PSPH: variants seen among roughly 807,000 people sequenced by gnomAD.
The protein encoded by PSPH is L-3-phosphoserine phosphatase.
PSPH carries 16 observed loss-of-function variants against 23.4 expected under a neutral mutation model. That is an observed-to-expected ratio of 0.68 (90% CI 0.46 to 1.04). The LOEUF is 1.04. Ranked by LOEUF, PSPH falls within the 50% of genes least tolerant of loss-of-function variation. The pLI is 0.00. For synonymous variants in PSPH, 68 were observed against 99.7 expected (o/e 0.68, Z 1.89); for missense variants, 223 against 273.7 (o/e 0.81, Z 1.31).
At chr7:56,028,178 G>A (rs1790480137) in intron 3 of PSPH, among the ~76,000 whole-genome samples, 1 of 152,050 alleles carries the variant, frequency 6.6e-6, no homozygotes, top group African/African-American at 2.4e-5. Context: ...CAGAATTGTT[G>A]ACACCTGCCT....
chr7:56,039,556 T>G (rs540822830), intron 1 of PSPH, among the ~76,000 whole-genome samples: 2 of 151,970 alleles, frequency 1.3e-5, no homozygotes, highest in Non-Finnish European at 2.9e-5. Context: ...GGCAGGCAGA[T>G]CACGATGTCA....
intron 4 of PSPH, among the ~76,000 whole-genome samples, chr7:56,020,779 G>T (rs1321745726): frequency 1.3e-5 from 2 of 152,090 alleles, no homozygotes; most frequent in Non-Finnish European, 2.9e-5. Context: ...AACCACTAAG[G>T]TCACACTTTC....
intron 3 of PSPH, among the ~76,000 whole-genome samples, chr7:56,029,492 TAAA>T (rs59890123): frequency 5.2e-5 from 4 of 76,820 alleles, no homozygotes; most frequent in African/African-American, 5.4e-5. Context: ...ACCAACTGAT[TAAA>T]AAAAAAAAAA....
rs34727399 is a variant in PSPH at position 56,011,528 on chromosome 7, C to CAAA, written c.*231_*233dup. On this transcript the variant is annotated 3_prime_UTR_variant, in exon 8 of 8. Transcript: ENST00000275605. The stretch of plus-strand genomic sequence containing the variant: ...TGGGCAACAGAGCAAGATTCTGTCT[C>CAAA]AAAAAAAAAAAAAACCTCTCCAGGA... The CAAA allele has an allele frequency of 3.5e-4, 78 of 225,760 alleles. No homozygotes were observed. Among genetic ancestry groups the CAAA allele is most frequent in the South Asian group, 1.1e-3 (22 of 20,252 alleles). 14.0% of individuals were successfully genotyped at this position (225,760 alleles called of 1,614,324 possible).
At chr7:56,012,599 T>C (rs1478758024) in intron 7 of PSPH, among the ~76,000 whole-genome samples, 4 of 151,584 alleles carry the variant, frequency 2.6e-5, no homozygotes, top group African/African-American at 7.3e-5. Flanking sequence ...AACCCCAACA[T>C]TGGTTATAAA....
At chr7:56,018,561 G>C (rs1788901588) in intron 5 of PSPH, among the ~76,000 whole-genome samples, 1 of 152,094 alleles carries the variant, frequency 6.6e-6, no homozygotes, top group African/African-American at 2.4e-5. Flanking sequence ...CACCACACAG[G>C]CCACGCCTTT....
At chr7:56,014,476 G>A (rs527592414) in intron 7 of PSPH, among the ~76,000 whole-genome samples, 44 of 152,082 alleles carry the variant, frequency 2.9e-4, no homozygotes, top group Non-Finnish European at 5.3e-4. Flanking sequence ...GTTAACTCCT[G>A]TTTTAAATCT....
At chr7:56,025,281 A>AT (rs1381699940) in intron 3 of PSPH, among the ~76,000 whole-genome samples, 9 of 148,296 alleles carry the variant, frequency 6.1e-5, no homozygotes, top group South Asian at 4.3e-4. Context: ...ACACACACAC[A>AT]TTTTTTTTTA....
rs543148572 is a variant in PSPH at position 56,030,419 on chromosome 7, C to T, written c.-20+1510G>A. On this transcript the variant is annotated intron_variant, in intron 3 of 7. Coordinates refer to ENST00000275605, the MANE Select transcript of PSPH (RefSeq NM_004577.4). ...CTCCCAAGGTGTGAGCCACCATGCCCGGCCTAAAAAAAAAAGCCAGCACAG... is the reference window on the plus strand; with the variant it reads ...CTCCCAAGGTGTGAGCCACCATGCCTGGCCTAAAAAAAAAAGCCAGCACAG... Among the ~76,000 whole-genome samples the T allele has an allele frequency of 3.3e-5, 5 of 151,472 alleles. No individual in the cohort carries two copies. In the South Asian group the frequency reaches 6.3e-4, roughly 19 times the overall value.
At position 56,015,047 on chromosome 7, in the gene PSPH, T is replaced by A. The variant is rs755879522; in HGVS notation, c.546A>T (p.Thr182=). 3.1e-6 allele frequency: 5 copies of A among 1,614,146 alleles called. No individual in the cohort carries two copies. The highest frequency in any genetic ancestry group is 4.2e-6 in the Non-Finnish European group (5 of 1,179,996). Reference sequence around the variant, plus strand: ...CAGCAGGAGGACAGGCTTCCATATCTGTGGCACCATCTCCAATCATGATTA... The same window carrying A: ...CAGCAGGAGGACAGGCTTCCATATCAGTGGCACCATCTCCAATCATGATTA... ...KKIIMIGDGA[T]DMEACPPADA... is the part of the protein sequence containing the mutation. Residue 182 remains threonine, a synonymous_variant, in exon 7 of 8, where the codon ACA becomes ACT. Coordinates refer to ENST00000275605, the MANE Select transcript of PSPH (RefSeq NM_004577.4).
At chr7:56,023,996 C>T (rs567877470) in intron 3 of PSPH, among the ~76,000 whole-genome samples, 6 of 151,000 alleles carry the variant, frequency 4.0e-5, no homozygotes, top group South Asian at 4.2e-4. Context: ...GCGCGATCTC[C>T]GCTCACTGCA....
chr7:56,019,767 G>A (rs768540562), intron 4 of PSPH, 33 bp from the exon 5 acceptor site: 1 of 1,610,344 alleles, frequency 6.2e-7, no homozygotes, highest in African/African-American at 1.3e-5. Context: ...AGGCCAGCCA[G>A]GTCCGATGTC....
intron 3 of PSPH, among the ~76,000 whole-genome samples, chr7:56,027,255 A>C (rs1319241643): frequency 6.6e-6 from 1 of 151,908 alleles, no homozygotes; most frequent in African/African-American, 2.4e-5. Flanking sequence ...ACATAACATA[A>C]CTAAGAATGG....
intron 1 of PSPH, among the ~76,000 whole-genome samples, chr7:56,042,137 C>T (rs1188873653): frequency 6.7e-6 from 1 of 148,760 alleles, no homozygotes; most frequent in African/African-American, 2.5e-5. Context: ...GCAGGAGAAT[C>T]GCTTGAATCC....
chr7:56,014,442 T>TA, intron 7 of PSPH, among the ~76,000 whole-genome samples: 1 of 152,374 alleles, frequency 6.6e-6, no homozygotes, highest in South Asian at 2.1e-4. Context: ...ACTTCATTTT[T>TA]ATCTTGTAAT....
intron 1 of PSPH, among the ~76,000 whole-genome samples, chr7:56,050,718 A>G (rs2117291244): frequency 6.6e-6 from 1 of 152,322 alleles, no homozygotes; most frequent in East Asian, 1.9e-4. Context: ...AAATGATTAT[A>G]TTCATATGTA....
rs530493299 is a variant in PSPH, at chr7:56,011,560, T to C, written c.*202A>G. 16 of 382,182 alleles carry C rather than the reference T, an allele frequency of 4.2e-5. No individual in the cohort carries two copies. In the East Asian group the frequency reaches 4.7e-4, roughly 11 times the overall value. The allele number at this position is 382,182 out of a possible 1,614,324, so 23.7% of individuals were successfully genotyped here. A position where few individuals can be genotyped will look rare whatever the true frequency, so the allele number is the denominator to read the frequency against. Reference sequence around the variant, plus strand: ...AAAAAAAACCTCTCCAGGAAATCAATAGTCATCATATAATACTGGAACTAC... The same window carrying C: ...AAAAAAAACCTCTCCAGGAAATCAACAGTCATCATATAATACTGGAACTAC... On this transcript the variant is annotated 3_prime_UTR_variant, in exon 8 of 8. Coordinates refer to ENST00000275605, the MANE Select transcript of PSPH (RefSeq NM_004577.4).
intron 1 of PSPH, among the ~76,000 whole-genome samples, chr7:56,038,532 C>T (rs1792045783): frequency 6.6e-6 from 1 of 151,896 alleles, no homozygotes; most frequent in Non-Finnish European, 1.5e-5. Flanking sequence ...GGAAGACACT[C>T]AGGAGAAACT....
chr7:56,032,092 A>G (rs1239359663), intron 2 of PSPH, 38 bp from the exon 3 acceptor site: 1 of 152,324 alleles, frequency 6.6e-6, no homozygotes, highest in East Asian at 1.9e-4. Flanking sequence ...ATCGAAGTCC[A>G]TACACAAAAC....
Sources: allele counts gnomAD v4.1 joint callset (sites outside exome capture counted in the v4.1 genomes callset), GRCh38; gene constraint gnomAD v4.1.1; transcripts MANE v1.5; gene names NCBI Gene and HGNC (gene_info 2026-07-23, HGNC 2026-07-21).